CCDC102B: variants seen among roughly 807,000 people sequenced by gnomAD.
The protein encoded by CCDC102B is coiled-coil domain containing 102B, also known as coiled-coil domain-containing protein 102B.
A neutral mutation model predicts 57.4 loss-of-function variants in CCDC102B; 75 were observed. That is an observed-to-expected ratio of 1.31 (90% CI 1.08 to 1.58). The LOEUF (loss-of-function observed/expected upper bound fraction) is 1.58. Ranked by LOEUF, CCDC102B falls within the 40% of genes most tolerant of loss-of-function variation. The pLI, the probability that CCDC102B is intolerant of heterozygous loss-of-function variation, is 0.00. For synonymous variants in CCDC102B, 206 were observed against 201.9 expected, an observed-to-expected ratio of 1.02 and a Z score of -0.17; for missense variants, 636 against 582.6, an observed-to-expected ratio of 1.09 and a Z score of -0.94.
intron 6 of CCDC102B, among the ~76,000 whole-genome samples, chr18:68,977,967 C>T (rs1163222184): frequency 6.6e-6 from 1 of 151,978 alleles, no homozygotes; most frequent in Non-Finnish European, 1.5e-5. Context: ...CAAGCCTAGT[C>T]ATGTAGTGGT....
At chr18:68,945,834 A>G (rs886997647) in intron 6 of CCDC102B, among the ~76,000 whole-genome samples, 7 of 152,040 alleles carry the variant, frequency 4.6e-5, no homozygotes, top group Non-Finnish European at 8.8e-5. Context: ...TACATTTTCT[A>G]ATCTAATTAA....
intron 7 of CCDC102B, among the ~76,000 whole-genome samples, chr18:69,030,959 A>G (rs2052125052): frequency 6.6e-6 from 1 of 152,096 alleles, no homozygotes; most frequent in Admixed American, 6.6e-5. Flanking sequence ...TGCCCAGTGT[A>G]TGTTTCATTG....
chr18:68,911,949 A>C (rs1176505753), intron 6 of CCDC102B, among the ~76,000 whole-genome samples: 1 of 152,030 alleles, frequency 6.6e-6, no homozygotes, highest in Non-Finnish European at 1.5e-5. Context: ...TTTACTTAGT[A>C]ATATGAATTT....
rs1568263268 is a variant in CCDC102B, at chr18:68,810,693, T to TTTTG, written c.-16+12515_-16+12516insGTTT. ...TTTCTTTTCTTTGTTTTTTTTTTTT[T>TTTTG]TTTTTTTTTTTTTTATGCTTTAAGT... is the stretch of plus-strand genomic sequence containing the variant. On this transcript the variant is annotated intron_variant, in intron 1 of 7. Transcript: ENST00000360242. Among the ~76,000 whole-genome samples, 84 of 139,358 alleles carry TTTTG rather than the reference T, an allele frequency of 6.0e-4. 1 individual carries two copies. The highest frequency in any genetic ancestry group is 3.7e-3 in the Middle Eastern group (1 of 268). 91.4% of individuals were successfully genotyped at this position (139,358 alleles called of 152,430 possible).
At chr18:68,716,822 T>TA (rs751497683) in intron 2 of CCDC102B, among the ~76,000 whole-genome samples, 18 of 152,078 alleles carry the variant, frequency 1.2e-4, no homozygotes, top group Admixed American at 1.2e-3. Flanking sequence ...CTTACACCTG[T>TA]AATCCCAGCA....
intron 6 of CCDC102B, among the ~76,000 whole-genome samples, chr18:68,898,631 CAA>C (rs1296990816): frequency 2.0e-5 from 3 of 152,014 alleles, no homozygotes; most frequent in Non-Finnish European, 4.4e-5. Context: ...TTTATTCAAA[CAA>C]GACAAACATT....
At chr18:68,740,422 C>T (rs907899874) in intron 2 of CCDC102B, among the ~76,000 whole-genome samples, 1 of 152,056 alleles carries the variant, frequency 6.6e-6, no homozygotes, top group Non-Finnish European at 1.5e-5. Flanking sequence ...CTTAAAATCC[C>T]CATTATAGTT....
At chr18:68,833,933 C>G (rs2037253175) in intron 1 of CCDC102B, among the ~76,000 whole-genome samples, 1 of 152,062 alleles carries the variant, frequency 6.6e-6, no homozygotes, top group Admixed American at 6.6e-5. Flanking sequence ...GTATCAGCGG[C>G]CCTGTCCTAC....
chr18:68,956,359 T>TATG (rs2049855493), intron 6 of CCDC102B, among the ~76,000 whole-genome samples: 1 of 41,706 alleles, frequency 2.4e-5, no homozygotes, highest in Non-Finnish European at 4.8e-5. Context: ...TTAATATATA[T>TATG]AATATATATA....
intron 6 of CCDC102B, among the ~76,000 whole-genome samples, chr18:68,978,464 A>G (rs2050495362): frequency 6.6e-6 from 1 of 152,062 alleles, no homozygotes; most frequent in Non-Finnish European, 1.5e-5. Context: ...GAATAAAAGT[A>G]GGGTAAGACT....
chr18:69,010,834 C>A (rs1157498319), intron 6 of CCDC102B, 100 bp from the exon 7 acceptor site: 5 of 799,442 alleles, frequency 6.3e-6, no homozygotes, highest in East Asian at 5.5e-5. Flanking sequence ...CATCTAAATT[C>A]TTCCTAAAAT....
intron 6 of CCDC102B, among the ~76,000 whole-genome samples, chr18:68,988,216 A>C (rs2050772485): frequency 1.3e-5 from 2 of 150,540 alleles, no homozygotes; most frequent in South Asian, 4.1e-4. Flanking sequence ...GCAGCCATAA[A>C]AGGGAAAAAA....
chr18:68,808,569 C>T (rs947276642), intron 1 of CCDC102B, among the ~76,000 whole-genome samples: 5 of 150,318 alleles, frequency 3.3e-5, no homozygotes, highest in Non-Finnish European at 7.4e-5. Flanking sequence ...GCTCTGCCTC[C>T]TGGGTTCACG....
At chr18:68,895,372 A>G (rs369466877) in intron 5 of CCDC102B, among the ~76,000 whole-genome samples, 80 of 151,892 alleles carry the variant, frequency 5.3e-4, no homozygotes, top group South Asian at 8.3e-4. Context: ...ATATATATGA[A>G]AAAGCAGTTT....
chr18:68,813,824 A>C (rs1418336951), intron 1 of CCDC102B, among the ~76,000 whole-genome samples: 1 of 150,676 alleles, frequency 6.6e-6, no homozygotes, highest in Non-Finnish European at 1.5e-5. Flanking sequence ...ACACTTTTGA[A>C]AGGGAGAGAA....
At chr18:68,972,375 C>T (rs1461187437) in intron 6 of CCDC102B, among the ~76,000 whole-genome samples, 1 of 152,128 alleles carries the variant, frequency 6.6e-6, no homozygotes, top group Non-Finnish European at 1.5e-5. Flanking sequence ...TGTGCTTACA[C>T]TCCTATCTGA....
At chr18:68,782,391 T>C (rs977726108) in intron 2 of CCDC102B, among the ~76,000 whole-genome samples, 1 of 152,118 alleles carries the variant, frequency 6.6e-6, no homozygotes, top group Non-Finnish European at 1.5e-5. Context: ...AATGTAATGA[T>C]TTATTCCTTT....
At position 69,030,251 on chromosome 18, in the gene CCDC102B, A is replaced by T. The variant is rs370687904; in HGVS notation, c.1434+19147A>T. ...ATTTTTAAAAATTACTGTACTATCT[A>T]CAAACCTATCCTAATGTGCCAGTTC... On this transcript the variant is annotated intron_variant, in intron 7 of 7. Coordinates refer to ENST00000360242, the MANE Select transcript of CCDC102B (RefSeq NM_024781.3). 2.4e-3 allele frequency among the ~76,000 whole-genome samples: 367 copies of T among 152,300 alleles called. 2 individuals are homozygous for T. The highest frequency in any genetic ancestry group is 7.6e-3 in the African/African-American group (317 of 41,580).
At chr18:68,826,959 C>G (rs2036928444) in intron 1 of CCDC102B, among the ~76,000 whole-genome samples, 1 of 151,758 alleles carries the variant, frequency 6.6e-6, no homozygotes. Flanking sequence ...AATGTCAACA[C>G]TAGGAATATC....
Sources: allele counts gnomAD v4.1 joint callset (sites outside exome capture counted in the v4.1 genomes callset), GRCh38; gene constraint gnomAD v4.1.1; transcripts MANE v1.5; gene names NCBI Gene and HGNC (gene_info 2026-07-23, HGNC 2026-07-21).